CCDC146: variants seen among roughly 807,000 people sequenced by gnomAD.
The protein encoded by CCDC146 is coiled-coil domain-containing protein 146.
A neutral mutation model predicts 119.3 loss-of-function variants in CCDC146; 92 were observed. The observed-to-expected ratio is 0.77, with a 90% CI of 0.65 to 0.92. The LOEUF (loss-of-function observed/expected upper bound fraction) is 0.92, where lower values mean the gene tolerates loss of function less well. Among genes scored for constraint, CCDC146 ranks in the 40% least tolerant of loss-of-function variants. CCDC146 has a pLI of 0.00. For synonymous variants in CCDC146, 372 were observed against 371.8 expected, an observed-to-expected ratio of 1.00 and a Z score of -0.01; for missense variants, 1,000 against 1,103.0, an observed-to-expected ratio of 0.91 and a Z score of 1.32.
intron 9 of CCDC146, among the ~76,000 whole-genome samples, chr7:77,273,105 TG>T (rs564075135): frequency 2.0e-5 from 3 of 152,332 alleles, no homozygotes; most frequent in Non-Finnish European, 4.4e-5. Context: ...AGGCAGATCA[TG>T]GGTTCCAAGT....
At chr7:77,200,742 T>A (rs555003179) in intron 2 of CCDC146, among the ~76,000 whole-genome samples, 1 of 152,352 alleles carries the variant, frequency 6.6e-6, no homozygotes, top group East Asian at 1.9e-4. Context: ...GTTCAAAACA[T>A]GTAGCATTAA....
chr7:77,178,923 C>A (rs1791540406), intron 2 of CCDC146, among the ~76,000 whole-genome samples: 1 of 151,964 alleles, frequency 6.6e-6, no homozygotes, highest in South Asian at 2.1e-4. Context: ...AATAAAATAC[C>A]TTTTTCAACA....
chr7:77,264,320 C>T (rs1793359260), intron 9 of CCDC146, among the ~76,000 whole-genome samples: 1 of 152,032 alleles, frequency 6.6e-6, no homozygotes, highest in Admixed American at 6.6e-5. Flanking sequence ...AGTGCAGGCA[C>T]CATCTCAGCT....
intron 1 of CCDC146, among the ~76,000 whole-genome samples, chr7:77,156,444 T>A (rs1347340074): frequency 8.7e-6 from 1 of 115,482 alleles, no homozygotes; most frequent in Non-Finnish European, 1.8e-5. Flanking sequence ...GTCCTCTTTA[T>A]CATTCCTTTT....
At chr7:77,218,783 G>A (rs1337435184) in intron 2 of CCDC146, among the ~76,000 whole-genome samples, 1 of 151,498 alleles carries the variant, frequency 6.6e-6, no homozygotes. Context: ...TGTTGCCTAG[G>A]CTGGTCCCTA....
At chr7:77,256,874 G>A (rs1049187814) in intron 6 of CCDC146, among the ~76,000 whole-genome samples, 1 of 152,144 alleles carries the variant, frequency 6.6e-6, no homozygotes, top group Non-Finnish European at 1.5e-5. Flanking sequence ...TGAGGCCAAG[G>A]CGGTGGATCA....
intron 2 of CCDC146, among the ~76,000 whole-genome samples, chr7:77,212,190 T>C (rs1792197227): frequency 1.3e-5 from 2 of 152,174 alleles, no homozygotes; most frequent in South Asian, 4.1e-4. Context: ...TACAGTAAGG[T>C]GACTATTTTC....
chr7:77,135,457 AAGAGAGAGAAAGAAAGAAAGAGCG>A (rs1790848496), intron 1 of CCDC146, among the ~76,000 whole-genome samples: 1 of 152,122 alleles, frequency 6.6e-6, no homozygotes, highest in African/African-American at 2.4e-5. Context: ...TGAAAAAAAA[AAGAGAGAGAAAGAAAGAAAGAGCG>A]AGAGAGAGAG....
At chr7:77,188,593 C>T (rs903247999) in intron 2 of CCDC146, among the ~76,000 whole-genome samples, 5 of 152,154 alleles carry the variant, frequency 3.3e-5, no homozygotes, top group Non-Finnish European at 5.9e-5. Context: ...CATCACAACA[C>T]CCCACTCTCC....
chr7:77,173,164 A>G (rs1418469513), intron 2 of CCDC146, among the ~76,000 whole-genome samples: 3 of 152,146 alleles, frequency 2.0e-5, no homozygotes, highest in African/African-American at 4.8e-5. Flanking sequence ...ACGTAGACCT[A>G]TGGAACAAAC....
chr7:77,146,534 G>T (rs1421967347), intron 1 of CCDC146, among the ~76,000 whole-genome samples: 1 of 152,138 alleles, frequency 6.6e-6, no homozygotes, highest in African/African-American at 2.4e-5. Context: ...GCATGTTTTT[G>T]CAGTGGCTCA....
chr7:77,149,756 C>T (rs2117442423), intron 1 of CCDC146, among the ~76,000 whole-genome samples: 1 of 148,722 alleles, frequency 6.7e-6, no homozygotes, highest in Admixed American at 6.7e-5. Flanking sequence ...CAGAGCAAGA[C>T]TCTGTCTCAA....
intron 2 of CCDC146, among the ~76,000 whole-genome samples, chr7:77,168,183 G>T (rs1331645001): frequency 6.6e-6 from 1 of 152,040 alleles, no homozygotes; most frequent in East Asian, 1.9e-4. Flanking sequence ...TATAATGATA[G>T]AAAGAATATA....
intron 2 of CCDC146, among the ~76,000 whole-genome samples, chr7:77,185,486 A>T (rs556361587): frequency 5.3e-5 from 8 of 152,282 alleles, no homozygotes; most frequent in Admixed American, 5.2e-4. Context: ...CTTATCCAAG[A>T]CTATCAAGGT....
intron 11 of CCDC146, among the ~76,000 whole-genome samples, chr7:77,275,068 C>CA (rs201616093): frequency 0.23 from 6,675 of 28,846 alleles, 174 homozygotes; most frequent in African/African-American, 0.36. Flanking sequence ...GAAGGAAACT[C>CA]AAAAAAAAAA....
chr7:77,170,599 A>G (rs1791406660), intron 2 of CCDC146, among the ~76,000 whole-genome samples: 1 of 152,250 alleles, frequency 6.6e-6, no homozygotes, highest in Non-Finnish European at 1.5e-5. Flanking sequence ...TCTTCACAGC[A>G]AAAGAAACTA....
intron 2 of CCDC146, among the ~76,000 whole-genome samples, chr7:77,218,615 C>CTTTTTT (rs569678543): frequency 2.1e-5 from 3 of 142,536 alleles, no homozygotes; most frequent in African/African-American, 7.7e-5. Context: ...TACCAATTCT[C>CTTTTTT]TTTTTTTTTT....
chr7:77,199,390 C>A, intron 2 of CCDC146: 1 of 1,614,162 alleles, frequency 6.2e-7, no homozygotes, highest in Admixed American at 1.7e-5. Flanking sequence ...GTTAACCTCA[C>A]TCTCTAATTC....
At chr7:77,145,664 C>G (rs1353621336) in intron 1 of CCDC146, among the ~76,000 whole-genome samples, 1 of 151,914 alleles carries the variant, frequency 6.6e-6, no homozygotes, top group East Asian at 1.9e-4. Context: ...TCTGCCTTCA[C>G]TTCGTTATGT....
Sources: gnomAD v4.1 joint callset for allele counts (sites outside exome capture counted in the v4.1 genomes callset) on GRCh38, gnomAD v4.1.1 for gene constraint, MANE v1.5 for transcripts, NCBI Gene and HGNC (gene_info 2026-07-23, HGNC 2026-07-21) for gene names.